SLC44A1: variants seen among roughly 807,000 people sequenced by gnomAD.
The protein encoded by SLC44A1 is solute carrier family 44 member 1, also known as choline transporter-like protein 1.
Under a neutral mutation model 79.3 loss-of-function variants are expected in SLC44A1, and 26 were observed. That is an observed-to-expected ratio of 0.33 (90% confidence interval 0.24 to 0.46). The LOEUF (loss-of-function observed/expected upper bound fraction) is 0.46, where lower values mean the gene tolerates loss of function less well. Among genes scored for constraint, SLC44A1 ranks in the 20% least tolerant of loss-of-function variants. The pLI is 1.00. For synonymous variants in SLC44A1, 263 were observed against 286.2 expected (o/e 0.92, Z 0.82); for missense variants, 688 against 798.1 (o/e 0.86, Z 1.66).
intron 3 of SLC44A1, among the ~76,000 whole-genome samples, chr9:105,317,454 A>G (rs187644789): frequency 1.3e-5 from 2 of 152,210 alleles, no homozygotes; most frequent in Admixed American, 1.3e-4. Flanking sequence ...CAGGGCTTGC[A>G]TTTTATCAGG....
Position 105,392,324 on chromosome 9 carries a change from G to A in SLC44A1, c.*3268G>A. 3 of 983,890 alleles carry A rather than the reference G, an allele frequency of 3.0e-6. No homozygotes were observed. Among genetic ancestry groups the A allele is most frequent in the Middle Eastern group, 5.2e-4 (1 of 1,908 alleles). The allele number at this position is 983,890 out of a possible 1,614,324, so 60.9% of individuals were successfully genotyped here. A position where few individuals can be genotyped will look rare whatever the true frequency, so the allele number is the denominator to read the frequency against. The stretch of plus-strand genomic sequence containing the variant: ...CCAAACTTTTTCTATAATGGTTAAG[G>A]AGGAGGCACTTACTGAGTTTATTTT... On this transcript the variant is annotated 3_prime_UTR_variant, in exon 16 of 16. Transcript: ENST00000374720.
chr9:105,353,554 A>G (rs184748215), intron 5 of SLC44A1, among the ~76,000 whole-genome samples: 17 of 152,186 alleles, frequency 1.1e-4, no homozygotes, highest in Admixed American at 9.2e-4. Flanking sequence ...GCTTACTCCT[A>G]CTCTTTCAGC....
rs747370295 is a variant in SLC44A1 at position 105,392,887 on chromosome 9, C to T, written c.*3831C>T. The T allele has an allele frequency of 4.1e-6, 4 of 985,244 alleles. No individual in the cohort carries two copies. Among genetic ancestry groups the T allele is most frequent in the Non-Finnish European group, 4.8e-6 (4 of 829,804 alleles). The allele number at this position is 985,244 out of a possible 1,614,324, so 61.0% of individuals were successfully genotyped here. A position where few individuals can be genotyped will look rare whatever the true frequency, so the allele number is the denominator to read the frequency against. ...CCTTAACATGGCCTCTGAGAAGTTT[C>T]CTCCAGAAAGGTCTTTAAGCTTTCG... is the stretch of plus-strand genomic sequence containing the variant. On this transcript the variant is annotated 3_prime_UTR_variant, in exon 16 of 16. Transcript: ENST00000374720.
chr9:105,266,156 C>T (rs1180462393), intron 1 of SLC44A1, among the ~76,000 whole-genome samples: 4 of 152,036 alleles, frequency 2.6e-5, no homozygotes, highest in Non-Finnish European at 5.9e-5. Flanking sequence ...TATGTAGAGA[C>T]GGGGTCTCAC....
At chr9:105,264,837 C>T (rs575406831) in intron 1 of SLC44A1, among the ~76,000 whole-genome samples, 1 of 150,684 alleles carries the variant, frequency 6.6e-6, no homozygotes, top group African/African-American at 2.4e-5. Context: ...ACTCTTGTTG[C>T]CCAGGCTAGA....
intron 13 of SLC44A1, among the ~76,000 whole-genome samples, chr9:105,379,454 A>G (rs1828394737): frequency 6.6e-6 from 1 of 152,206 alleles, no homozygotes; most frequent in African/African-American, 2.4e-5. Flanking sequence ...TCAGTATGCT[A>G]TAGTTTTACA....
At chr9:105,438,369 G>GA in exon 16 of SLC44A1, 2 of 1,209,388 alleles carry the variant, frequency 1.7e-6, no homozygotes, top group Non-Finnish European at 2.4e-6. Flanking sequence ...ACCAGCTGTT[G>GA]AGAGTCTGCG....
At chr9:105,359,339 A>T (rs1422733909) in intron 7 of SLC44A1, among the ~76,000 whole-genome samples, 1 of 152,212 alleles carries the variant, frequency 6.6e-6, no homozygotes, top group Non-Finnish European at 1.5e-5. Context: ...AGATGACAGC[A>T]GAAGAATAAA....
intron 15 of SLC44A1, among the ~76,000 whole-genome samples, chr9:105,407,555 T>C (rs1829044049): frequency 6.6e-6 from 1 of 152,142 alleles, no homozygotes; most frequent in African/African-American, 2.4e-5. Flanking sequence ...TTCAATAAAA[T>C]TCTCCACCAA....
chr9:105,269,655 AG>A (rs1462027340), intron 1 of SLC44A1, among the ~76,000 whole-genome samples: 1 of 152,192 alleles, frequency 6.6e-6, no homozygotes, highest in Non-Finnish European at 1.5e-5. Flanking sequence ...TCAATTGCTA[AG>A]TGGGTAGCAT....
At chr9:105,285,891 A>G (rs143438338) in intron 1 of SLC44A1, among the ~76,000 whole-genome samples, 2,569 of 152,270 alleles carry the variant, frequency 0.017, 63 homozygotes, top group African/African-American at 0.058. Context: ...GCTTGGGCTC[A>G]GAGGCCTGAC....
intron 15 of SLC44A1, among the ~76,000 whole-genome samples, chr9:105,429,026 T>C (rs527892504): frequency 2.0e-5 from 3 of 152,290 alleles, no homozygotes; most frequent in East Asian, 1.9e-4. Flanking sequence ...CTTTAATAAA[T>C]TCGGATATTC....
chr9:105,316,186 T>C (rs1444178959), intron 3 of SLC44A1, among the ~76,000 whole-genome samples: 1 of 152,150 alleles, frequency 6.6e-6, no homozygotes, highest in Non-Finnish European at 1.5e-5. Context: ...AATAAAATCA[T>C]CATACAATCA....
chr9:105,344,064 A>G (rs1827177723), intron 4 of SLC44A1, among the ~76,000 whole-genome samples: 1 of 152,176 alleles, frequency 6.6e-6, no homozygotes, highest in Non-Finnish European at 1.5e-5. Flanking sequence ...TAATTAGTGA[A>G]AAAGAGGTTA....
rs1554689840 is a variant in SLC44A1, at chr9:105,394,443, T to TGTGTGTGTTTG, written c.*5387_*5388insGTGTGTGTTTG. 7.9e-6 allele frequency: 7 copies of TGTGTGTGTTTG among 887,406 alleles called. No homozygotes were observed. In the African/African-American group the frequency reaches 8.5e-5, roughly 11 times the overall value. The allele number at this position is 887,406 out of a possible 1,614,324, so 55.0% of individuals were successfully genotyped here. ...TATGTGTGTGTGTGTGTGTGTGTGT[T>TGTGTGTGTTTG]TGTGTGTGTGTGTGTGTGTCCTGGC... On this transcript the variant is annotated 3_prime_UTR_variant, in exon 16 of 16. Transcript: ENST00000374720.
intron 4 of SLC44A1, among the ~76,000 whole-genome samples, chr9:105,345,861 A>G (rs1827232111): frequency 6.6e-6 from 1 of 152,008 alleles, no homozygotes; most frequent in Non-Finnish European, 1.5e-5. Context: ...GCTTTAGATA[A>G]GCTTTTGTTC....
intron 1 of SLC44A1, among the ~76,000 whole-genome samples, chr9:105,280,851 C>T (rs1372914946): frequency 3.9e-5 from 6 of 152,136 alleles, no homozygotes; most frequent in East Asian, 1.9e-4. Flanking sequence ...TTTAAGCTAC[C>T]GATGTAAAGT....
At chr9:105,421,124 A>G (rs1329756071) in intron 15 of SLC44A1, among the ~76,000 whole-genome samples, 1 of 152,090 alleles carries the variant, frequency 6.6e-6, no homozygotes, top group African/African-American at 2.4e-5. Flanking sequence ...AAAATTATTT[A>G]TTTTCCTTAT....
intron 8 of SLC44A1, among the ~76,000 whole-genome samples, chr9:105,362,007 CTGAG>C (rs1464593845): frequency 6.6e-6 from 1 of 152,124 alleles, no homozygotes; most frequent in African/African-American, 2.4e-5. Context: ...GCCTAGGCAA[CTGAG>C]TGAGACCTTG....
Sources: gnomAD v4.1 joint callset for allele counts (sites outside exome capture counted in the v4.1 genomes callset) on GRCh38, gnomAD v4.1.1 for gene constraint, MANE v1.5 for transcripts, NCBI Gene and HGNC (gene_info 2026-07-23, HGNC 2026-07-21) for gene names.